Variants in TNS1 observed in about 807,000 individuals in gnomAD.
TNS1 encodes the protein tensin-1.
A neutral mutation model predicts 168.6 loss-of-function variants in TNS1; 62 were observed. The observed-to-expected ratio is 0.37, with a 90% CI of 0.30 to 0.45. TNS1 has a LOEUF of 0.45. Among genes scored for constraint, TNS1 ranks in the 20% least tolerant of loss-of-function variants. The pLI is 1.00. For missense variants in TNS1, 2,240 were observed against 2,339.4 expected, an observed-to-expected ratio of 0.96 and a Z score of 0.88; for synonymous variants, 934 against 933.2, an observed-to-expected ratio of 1.00 and a Z score of -0.02.
At chr2:217,903,014 G>A (rs946833356) in intron 6 of TNS1, among the ~76,000 whole-genome samples, 1 of 152,156 alleles carries the variant, frequency 6.6e-6, no homozygotes, top group Non-Finnish European at 1.5e-5. Context: ...ACACCCTACT[G>A]CTCCAGAAAC....
At chr2:217,946,937 GCTCT>G (rs150249191) in intron 3 of TNS1, among the ~76,000 whole-genome samples, 8,085 of 130,596 alleles carry the variant, frequency 0.062, 273 homozygotes, top group Middle Eastern at 0.14. Context: ...TTCCACCATC[GCTCT>G]CTCTCTCTCT....
chr2:218,017,110 C>T (rs1466472783), intron 1 of TNS1, among the ~76,000 whole-genome samples: 13 of 152,284 alleles, frequency 8.5e-5, no homozygotes, highest in African/African-American at 3.1e-4. Flanking sequence ...AGGGACAAAC[C>T]CAGTGGGGAG....
Position 217,995,179 on chromosome 2 carries a change from G to A in TNS1, c.34-4123C>T, listed in dbSNP as rs557898797. ...GAGGGACTAGCTCTGCCACCTCCAGGCAAGTGGCCCCCAGGCTCTGCTGGC... is the reference window on the plus strand; with the variant it reads ...GAGGGACTAGCTCTGCCACCTCCAGACAAGTGGCCCCCAGGCTCTGCTGGC... On this transcript the variant is annotated intron_variant, in intron 1 of 32. Transcript: ENST00000682258. The surrounding 1 kb of genome is among the most constrained non-coding windows in gnomAD (Gnocchi z 4.1). Among the ~76,000 whole-genome samples the A allele has an allele frequency of 6.6e-6, 1 of 152,274 alleles. No individual in the cohort carries two copies. The highest frequency in any genetic ancestry group is 1.9e-4 in the East Asian group (1 of 5,172).
upstream of TNS1, among the ~76,000 whole-genome samples, chr2:218,010,669 G>C: frequency 6.8e-6 from 1 of 146,202 alleles, no homozygotes; most frequent in South Asian, 2.4e-4. Context: ...TGCGAGGAAG[G>C]AGCAGCAGCC....
chr2:217,863,807 G>C (rs1314299327), intron 18 of TNS1, among the ~76,000 whole-genome samples: 1 of 152,140 alleles, frequency 6.6e-6, no homozygotes, highest in East Asian at 1.9e-4. Context: ...TCCCAAGATA[G>C]GCATGGTGTC....
Position 217,818,160 on chromosome 2 carries a change from A to C in TNS1, c.4172T>G (p.Leu1391Arg). 6.2e-7 allele frequency: 1 copy of C among 1,613,926 alleles called. No individual in the cohort carries two copies. The highest frequency in any genetic ancestry group is 1.7e-5 in the Admixed American group (1 of 60,024). ...AGGGCTGGCTATTGCATTGCTATGA[A>C]GACCGGAGGCCAGGTTGCCTTGGTG... is the stretch of plus-strand genomic sequence containing the variant. ...GAHQGNLASGLHSNAIASPGS... is the reference protein window; with the variant it reads ...GAHQGNLASGRHSNAIASPGS... The change falls in exon 24 of 33, where the codon CTT becomes CGT. Residue 1391 changes from leucine (L) to arginine (R), a missense_variant. Coordinates refer to ENST00000682258, the MANE Select transcript of TNS1 (RefSeq NM_001387777.1).
intron 18 of TNS1, among the ~76,000 whole-genome samples, chr2:217,853,119 C>T (rs926699020): frequency 6.6e-5 from 10 of 152,262 alleles, no homozygotes; most frequent in African/African-American, 1.9e-4. Flanking sequence ...CCATCCACCA[C>T]GGCCACATTA....
At chr2:217,897,754 A>G (rs749887694) in intron 8 of TNS1, 44 bp downstream of exon 8, 1 of 1,519,576 alleles carries the variant, frequency 6.6e-7, no homozygotes, top group Admixed American at 2.1e-5. Flanking sequence ...AGCAGATGGA[A>G]GCATAGAGGG....
intron 1 of TNS1, among the ~76,000 whole-genome samples, chr2:218,028,781 A>G (rs1001790052): frequency 5.3e-5 from 8 of 152,108 alleles, no homozygotes; most frequent in Non-Finnish European, 1.2e-4. Context: ...TTGGGGGTGG[A>G]GGTGAATTTA....
At position 217,948,057 on chromosome 2, in the gene TNS1, C is replaced by T. The variant is rs1053837083; in HGVS notation, c.187-27821G>A. ...CTCTTCCAACTCAAGCCCATGTCAC[C>T]AGGTAACACAACTAGGAATTCCAGG... On this transcript the variant is annotated intron_variant, in intron 3 of 32. Transcript: ENST00000682258. The surrounding 1 kb of genome is among the most constrained non-coding windows in gnomAD (Gnocchi z 4.1). 2.0e-5 allele frequency among the ~76,000 whole-genome samples: 3 copies of T among 152,194 alleles called. No homozygotes were observed. The highest frequency in any genetic ancestry group is 4.4e-5 in the Non-Finnish European group (3 of 68,038).
exon 1 of TNS1, chr2:218,010,163 C>T (rs1958692887): frequency 1.0e-5 from 4 of 399,178 alleles, no homozygotes; most frequent in East Asian, 3.6e-5. Flanking sequence ...CCCATCGGAT[C>T]ACGCAGGAGA....
intron 3 of TNS1, among the ~76,000 whole-genome samples, chr2:217,931,473 G>A (rs1251824871): frequency 2.6e-5 from 4 of 152,150 alleles, no homozygotes; most frequent in South Asian, 2.1e-4. Context: ...GGGTAGGTGC[G>A]GGGGGCTAAG....
intron 6 of TNS1, chr2:217,902,091 T>G (rs1953067146): frequency 6.6e-6 from 1 of 151,978 alleles, no homozygotes; most frequent in African/African-American, 2.4e-5. Flanking sequence ...GTGGGGGGAT[T>G]AGACAGGGGT....
chr2:217,983,301 G>A (rs531204989), intron 2 of TNS1, among the ~76,000 whole-genome samples: 31 of 152,286 alleles, frequency 2.0e-4, no homozygotes, highest in Admixed American at 5.9e-4. Context: ...TGGCCTCCCA[G>A]CTACTACAGA....
intron 3 of TNS1, among the ~76,000 whole-genome samples, chr2:217,921,653 C>A (rs1255870965): frequency 2.0e-5 from 3 of 152,178 alleles, no homozygotes; most frequent in Non-Finnish European, 1.5e-5. Flanking sequence ...CATTCTCCAG[C>A]AAAGAGGCCC....
intron 22 of TNS1, among the ~76,000 whole-genome samples, chr2:217,823,810 C>T (rs1348483309): frequency 3.9e-5 from 6 of 152,220 alleles, no homozygotes; most frequent in African/African-American, 1.4e-4. Flanking sequence ...TGATGTAGAA[C>T]CAGGCACCTC....
In TNS1 at chr2:217,906,505, T is replaced by G. The variant is rs999257624; in HGVS notation, c.271-120A>C. 6.1e-6 allele frequency: 4 copies of G among 653,972 alleles called. No individual in the cohort carries two copies. The African/African-American group carries it at 7.2e-5, about 12-fold the overall frequency. The allele number at this position is 653,972 out of a possible 1,614,324, so 40.5% of individuals were successfully genotyped here. A position where few individuals can be genotyped will look rare whatever the true frequency, so the allele number is the denominator to read the frequency against. ...TGGCAGAGGGGCCTGGGAAAGAACT[T>G]TGGTCTTTGTTTCACATTTCTTTGC... On this transcript the variant is annotated intron_variant, in intron 5 of 32. Transcript: ENST00000682258.
Position 217,907,506 on chromosome 2 carries a change from C to G in TNS1, c.229-255G>C, listed in dbSNP as rs376719691. On this transcript the variant is annotated intron_variant, in intron 4 of 32. Coordinates refer to ENST00000682258, the MANE Select transcript of TNS1 (RefSeq NM_001387777.1). The stretch of plus-strand genomic sequence containing the variant: ...CCAAAGACCCACGCTCAGTGCCCGG[C>G]GCCAGGCCTCTGGTTCATACAGTTG... Among the ~76,000 whole-genome samples, 8 of 152,360 alleles carry G rather than the reference C, an allele frequency of 5.3e-5. No homozygotes were observed. In the East Asian group the frequency reaches 1.5e-3, roughly 29 times the overall value.
chr2:217,996,909 G>C (rs1454501921), intron 1 of TNS1, among the ~76,000 whole-genome samples: 1 of 151,906 alleles, frequency 6.6e-6, no homozygotes, highest in Non-Finnish European at 1.5e-5. Flanking sequence ...AAGAAGTATT[G>C]GTCCCTACCC....
Sources: gnomAD v4.1 joint callset for allele counts (sites outside exome capture counted in the v4.1 genomes callset) on GRCh38, gnomAD v4.1.1 for gene constraint, Gnocchi (gnomAD v3.1) non-coding constraint, MANE v1.5 for transcripts, NCBI Gene and HGNC (gene_info 2026-07-23, HGNC 2026-07-21) for gene names.